MLIP: variants seen among roughly 807,000 people sequenced by gnomAD.
The protein encoded by MLIP is muscular LMNA interacting protein.
A neutral mutation model predicts 84.8 loss-of-function variants in MLIP; 79 were observed. That is an observed-to-expected ratio of 0.93 (90% confidence interval 0.78 to 1.12). MLIP has a LOEUF of 1.12. MLIP is among the 50% of genes most tolerant of loss of function. The pLI is 0.00. For missense variants in MLIP, 1,257 were observed against 1,160.6 expected (o/e 1.08, Z -1.21); for synonymous variants, 504 against 463.0 (o/e 1.09, Z -1.14).
At chr6:54,054,944 C>CTGGCT (rs1343979759) in intron 1 of MLIP, among the ~76,000 whole-genome samples, 1 of 151,442 alleles carries the variant, frequency 6.6e-6, no homozygotes, top group Non-Finnish European at 1.5e-5. Flanking sequence ...CTGGAGTGCA[C>CTGGCT]TGGCTTGATC....
chr6:54,223,435 G>T (rs1780357998), intron 11 of MLIP, among the ~76,000 whole-genome samples: 1 of 151,928 alleles, frequency 6.6e-6, no homozygotes, highest in South Asian at 2.1e-4. Flanking sequence ...TGTATATTGT[G>T]TGAAATAAGG....
intron 9 of MLIP, among the ~76,000 whole-genome samples, chr6:54,172,994 AC>A (rs1357299435): frequency 6.6e-6 from 1 of 151,784 alleles, no homozygotes; most frequent in Non-Finnish European, 1.5e-5. Context: ...GCCTTAGGTC[AC>A]TAGCAGGGTT....
rs1008475622 is a variant in MLIP at position 54,080,634 on chromosome 6, G to A, written c.64-40813G>A. On this transcript the variant is annotated intron_variant, in intron 1 of 12. Coordinates refer to the MLIP transcript ENST00000274897. ...AAAGACATACACATTTTTTGTCTGA[G>A]AAAACATATTTTTATATATAAATTG... 9.4e-5 allele frequency among the ~76,000 whole-genome samples: 14 copies of A among 149,382 alleles called. No homozygotes were observed. In the East Asian group the frequency reaches 2.5e-3, roughly 27 times the overall value.
chr6:54,252,490 TAATATA>T (rs2150878781), intron 12 of MLIP, among the ~76,000 whole-genome samples: 1 of 140,096 alleles, frequency 7.1e-6, no homozygotes, highest in South Asian at 2.1e-4. Flanking sequence ...TATTATAACA[TAATATA>T]AATATAATAT....
chr6:54,020,223 G>A (rs1763419306), intron 1 of MLIP, among the ~76,000 whole-genome samples: 1 of 152,194 alleles, frequency 6.6e-6, no homozygotes, highest in South Asian at 2.1e-4. Flanking sequence ...TAATTCATGT[G>A]TAAGATAGGG....
intron 1 of MLIP, among the ~76,000 whole-genome samples, chr6:54,026,010 TG>T (rs2150270905): frequency 6.6e-6 from 1 of 152,268 alleles, no homozygotes; most frequent in African/African-American, 2.4e-5. Flanking sequence ...ATAAAACAGA[TG>T]GGTGGTAGAG....
chr6:54,238,491 A>T (rs1463173201), intron 12 of MLIP, among the ~76,000 whole-genome samples: 1 of 152,186 alleles, frequency 6.6e-6, no homozygotes, highest in Non-Finnish European at 1.5e-5. Context: ...TAGCATAACT[A>T]CAAGCCATGT....
chr6:54,147,575 G>A (rs1246150171), intron 4 of MLIP, among the ~76,000 whole-genome samples: 1 of 152,062 alleles, frequency 6.6e-6, no homozygotes. Flanking sequence ...TTCCTATGAG[G>A]GAGAAGAGCT....
intron 1 of MLIP, among the ~76,000 whole-genome samples, chr6:54,089,726 T>A (rs1486488348): frequency 6.6e-6 from 1 of 152,100 alleles, no homozygotes; most frequent in Admixed American, 6.6e-5. Flanking sequence ...AAATATTGAG[T>A]TTATTTTTTA....
intron 1 of MLIP, among the ~76,000 whole-genome samples, chr6:54,066,331 G>A (rs1226099231): frequency 1.0e-5 from 1 of 100,358 alleles, no homozygotes; most frequent in Admixed American, 9.3e-5. Flanking sequence ...CATTAAATAT[G>A]TATTATATAT....
chr6:54,116,789 A>T (rs1420805493), intron 1 of MLIP, among the ~76,000 whole-genome samples: 1 of 152,198 alleles, frequency 6.6e-6, no homozygotes, highest in Non-Finnish European at 1.5e-5. Context: ...ACAACACAAC[A>T]AGAAAAGAAA....
At chr6:54,239,579 T>G (rs12195488) in intron 12 of MLIP, among the ~76,000 whole-genome samples, 1 of 149,478 alleles carries the variant, frequency 6.7e-6, no homozygotes, top group Admixed American at 6.7e-5. Flanking sequence ...AAGACCAGCC[T>G]GACCAACATC....
Position 54,160,220 on chromosome 6 carries a change from GTCT to G in MLIP, c.2290-144_2290-142del, listed in dbSNP as rs1396967302. On this transcript the variant is annotated intron_variant, in intron 5 of 13. Coordinates refer to ENST00000502396, the MANE Select transcript of MLIP (RefSeq NM_001281747.2). ...TAAACTTAAGACCTAAAAGAAAAATGTCTTCATGTTAAAGAATAGCTCATCAAA... is the reference window on the plus strand; with the variant it reads ...TAAACTTAAGACCTAAAAGAAAAATGTCATGTTAAAGAATAGCTCATCAAA... The G allele has an allele frequency of 4.6e-6, 3 of 649,868 alleles. No individual in the cohort carries two copies. In the African/African-American group the frequency reaches 5.5e-5, roughly 12 times the overall value. 40.3% of individuals were successfully genotyped at this position (649,868 alleles called of 1,614,324 possible).
chr6:54,115,152 G>GA (rs141064036), intron 1 of MLIP, among the ~76,000 whole-genome samples: 2,292 of 152,234 alleles, frequency 0.015, 61 homozygotes, highest in African/African-American at 0.051. Flanking sequence ...GCTCAGAGTG[G>GA]TAAATATGAA....
chr6:54,263,009 G>C (rs1194928061), intron 13 of MLIP, among the ~76,000 whole-genome samples: 3 of 151,960 alleles, frequency 2.0e-5, no homozygotes, highest in Non-Finnish European at 4.4e-5. Context: ...GTGGGCGTTT[G>C]ACAATTTTGG....
chr6:54,166,631 C>T lies in MLIP; in HGVS notation c.2500-2897C>T, dbSNP rs556477643. Among the ~76,000 whole-genome samples, 82 of 151,888 alleles carry T rather than the reference C, an allele frequency of 5.4e-4. 2 individuals carry two copies. In the South Asian group the frequency reaches 0.017, roughly 31 times the overall value. On this transcript the variant is annotated intron_variant, in intron 8 of 13. Coordinates refer to ENST00000502396, the MANE Select transcript of MLIP (RefSeq NM_001281747.2). ...CCTTTGCTGGTTCATCTTCTTCTTC[C>T]CAAACTGTTAATGTTGGGATGCTCT...
chr6:54,131,617 G>C (rs764020060), intron 3 of MLIP, among the ~76,000 whole-genome samples: 11 of 152,088 alleles, frequency 7.2e-5, no homozygotes, highest in Non-Finnish European at 1.3e-4. Flanking sequence ...CAGACTACAA[G>C]AAATAAGAAA....
intron 1 of MLIP, among the ~76,000 whole-genome samples, chr6:54,102,977 G>A (rs369791880): frequency 4.6e-4 from 70 of 152,250 alleles, no homozygotes; most frequent in African/African-American, 1.7e-3. Context: ...ATTTTATAAA[G>A]TGTGTTGTGT....
intron 9 of MLIP, among the ~76,000 whole-genome samples, chr6:54,177,076 T>C (rs1776363768): frequency 6.6e-6 from 1 of 152,148 alleles, no homozygotes; most frequent in Admixed American, 6.6e-5. Flanking sequence ...GACTTAAATG[T>C]AAAGCCTCTA....
Sources: allele counts gnomAD v4.1 joint callset (sites outside exome capture counted in the v4.1 genomes callset), GRCh38; gene constraint gnomAD v4.1.1; transcripts MANE v1.5; gene names NCBI Gene and HGNC (gene_info 2026-07-23, HGNC 2026-07-21).